The following BANK1 variants were observed in gnomAD, a reference collection of about 807,000 sequenced individuals.
BANK1 encodes the protein B-cell scaffold protein with ankyrin repeats.
BANK1 carries 95 observed loss-of-function variants against 94.5 expected under a neutral mutation model. The ratio of observed to expected loss-of-function variants is 1.00; its 90% CI spans 0.85 to 1.19. BANK1 has a LOEUF of 1.19. Ranked by LOEUF, BANK1 falls within the 50% of genes most tolerant of loss-of-function variation. BANK1 has a pLI of 0.00. For synonymous variants in BANK1, 334 were observed against 308.4 expected, an observed-to-expected ratio of 1.08 and a Z score of -0.87; for missense variants, 987 against 932.2, an observed-to-expected ratio of 1.06 and a Z score of -0.77.
chr4:102,063,036 T>G, intron 12 of BANK1, 39 bp from the exon 13 acceptor site: 2 of 1,553,912 alleles, frequency 1.3e-6, no homozygotes, highest in Non-Finnish European at 1.8e-6. Flanking sequence ...CATAAAAATT[T>G]GAAAATCATA....
intron 5 of BANK1, among the ~76,000 whole-genome samples, chr4:101,877,769 C>T (rs535160785): frequency 2.0e-5 from 3 of 152,124 alleles, no homozygotes; most frequent in African/African-American, 7.2e-5. Context: ...CCTGTAATCC[C>T]AGCTACTTGG....
At chr4:101,867,116 G>T (rs1728100875) in intron 4 of BANK1, among the ~76,000 whole-genome samples, 1 of 106,908 alleles carries the variant, frequency 9.4e-6, no homozygotes, top group Non-Finnish European at 1.8e-5. Context: ...GTATACATAT[G>T]TAACTAACCT....
intron 1 of BANK1, among the ~76,000 whole-genome samples, chr4:101,823,718 C>G (rs1438013030): frequency 6.6e-6 from 1 of 152,150 alleles, no homozygotes; most frequent in South Asian, 2.1e-4. Context: ...TCCATGGTTG[C>G]TCTATGAGAC....
At chr4:101,875,488 G>T (rs1728455375) in intron 5 of BANK1, among the ~76,000 whole-genome samples, 1 of 152,130 alleles carries the variant, frequency 6.6e-6, no homozygotes. Context: ...TTACATGTTG[G>T]CAGGAGGTGG....
At chr4:101,869,430 C>T (rs970793847) in intron 4 of BANK1, among the ~76,000 whole-genome samples, 16 of 151,716 alleles carry the variant, frequency 1.1e-4, no homozygotes, top group Admixed American at 2.0e-4. Flanking sequence ...AGAGAGAGCT[C>T]CTATTTTTCT....
chr4:101,852,029 G>C (rs1263645450), intron 2 of BANK1, among the ~76,000 whole-genome samples: 3 of 151,998 alleles, frequency 2.0e-5, no homozygotes, highest in African/African-American at 7.2e-5. Flanking sequence ...TTTTCTATTT[G>C]AAGTTGTCTT....
intron 7 of BANK1, among the ~76,000 whole-genome samples, chr4:101,959,274 G>C (rs1724483359): frequency 6.6e-6 from 1 of 151,934 alleles, no homozygotes; most frequent in South Asian, 2.1e-4. Flanking sequence ...CAAGTAGCTG[G>C]GATTACAGGT....
In BANK1 at chr4:101,843,316, C is replaced by T. The variant is rs545987862; in HGVS notation, c.470-11719C>T. 5.9e-5 allele frequency among the ~76,000 whole-genome samples: 9 copies of T among 152,198 alleles called. No homozygotes were observed. In the South Asian group the frequency reaches 1.2e-3, roughly 21 times the overall value. On this transcript the variant is annotated intron_variant, in intron 2 of 16. Transcript: ENST00000322953. ...CACTATATTAATCTTGATTCAATGA[C>T]GTAAAATGGTGCCCCATAGTGCCTT...
At chr4:101,884,481 T>C (rs1401749313) in intron 5 of BANK1, among the ~76,000 whole-genome samples, 6 of 152,206 alleles carry the variant, frequency 3.9e-5, no homozygotes, top group Non-Finnish European at 8.8e-5. Flanking sequence ...AAGTTACTAA[T>C]TGATCAAGTT....
intron 1 of BANK1, among the ~76,000 whole-genome samples, chr4:101,797,927 G>T (rs1043892829): frequency 2.0e-5 from 3 of 152,132 alleles, no homozygotes; most frequent in Non-Finnish European, 4.4e-5. Context: ...AGGTGACTCA[G>T]GATAGAGACC....
intron 2 of BANK1, among the ~76,000 whole-genome samples, chr4:101,845,271 C>G (rs1050116634): frequency 1.3e-5 from 2 of 151,986 alleles, no homozygotes; most frequent in African/African-American, 4.8e-5. Flanking sequence ...AAAAAAGATA[C>G]TACATCACCA....
At chr4:102,056,529 G>T (rs1040363819) in intron 11 of BANK1, among the ~76,000 whole-genome samples, 1 of 152,058 alleles carries the variant, frequency 6.6e-6, no homozygotes, top group East Asian at 1.9e-4. Flanking sequence ...AACTATGTCA[G>T]TATAACCCTA....
At chr4:101,934,753 G>A (rs1045602809) in intron 7 of BANK1, among the ~76,000 whole-genome samples, 1 of 151,518 alleles carries the variant, frequency 6.6e-6, no homozygotes, top group Non-Finnish European at 1.5e-5. Flanking sequence ...ACTGTAACAA[G>A]CACTATTATG....
At chr4:101,827,380 A>G (rs1417561706) in intron 1 of BANK1, among the ~76,000 whole-genome samples, 1 of 151,934 alleles carries the variant, frequency 6.6e-6, no homozygotes, top group Non-Finnish European at 1.5e-5. Flanking sequence ...GGGAAAAATG[A>G]TACAAAAAAT....
At chr4:101,883,056 T>C (rs1047438972) in intron 5 of BANK1, among the ~76,000 whole-genome samples, 3 of 152,186 alleles carry the variant, frequency 2.0e-5, no homozygotes, top group African/African-American at 4.8e-5. Flanking sequence ...TGTCCCTTAT[T>C]AGAATGGGTC....
intron 7 of BANK1, among the ~76,000 whole-genome samples, chr4:101,933,175 A>G (rs907852327): frequency 6.6e-6 from 1 of 151,502 alleles, no homozygotes; most frequent in Non-Finnish European, 1.5e-5. Flanking sequence ...ACCAAAAACA[A>G]TGGCCCATGG....
intron 8 of BANK1, 65 bp from the exon 9 acceptor site, chr4:102,025,136 A>G: frequency 6.6e-7 from 1 of 1,523,628 alleles, no homozygotes; most frequent in Non-Finnish European, 8.9e-7. Flanking sequence ...GTACAATTTT[A>G]TAAAATATGA....
At chr4:101,840,802 A>T (rs10006822) in intron 2 of BANK1, among the ~76,000 whole-genome samples, 3,907 of 152,116 alleles carry the variant, frequency 0.026, 185 homozygotes, top group African/African-American at 0.09. Flanking sequence ...TGTGTCTTGA[A>T]ATCCTCTAGC....
At position 101,839,937 on chromosome 4, in the gene BANK1, A is replaced by ATTTTT. The variant is rs70964197; in HGVS notation, c.469+9776_469+9780dup. On this transcript the variant is annotated intron_variant, in intron 2 of 16. Coordinates refer to ENST00000322953, the MANE Select transcript of BANK1 (RefSeq NM_017935.5). ...GCTACTATATAATTTCAAATATTTA[A>ATTTTT]TTTTTTTTTTTTTTTTTTTTTTTTT... Among the ~76,000 whole-genome samples, 35 of 53,086 alleles carry ATTTTT rather than the reference A, an allele frequency of 6.6e-4. 8 individuals carry two copies. Among genetic ancestry groups the ATTTTT allele is most frequent in the East Asian group, 9.0e-4 (2 of 2,222 alleles). 34.8% of individuals were successfully genotyped at this position (53,086 alleles called of 152,430 possible).
Sources: gnomAD v4.1 joint callset for allele counts (sites outside exome capture counted in the v4.1 genomes callset) on GRCh38, gnomAD v4.1.1 for gene constraint, MANE v1.5 for transcripts, NCBI Gene and HGNC (gene_info 2026-07-23, HGNC 2026-07-21) for gene names.